NOTCH3: variants seen among roughly 807,000 people sequenced by gnomAD.
The protein encoded by NOTCH3 is notch receptor 3, also known as neurogenic locus notch homolog protein 3.
NOTCH3 carries 86 observed loss-of-function variants against 213.3 expected under a neutral mutation model. The observed-to-expected ratio is 0.40, with a 90% CI of 0.34 to 0.48. NOTCH3 has a LOEUF of 0.48. Ranked by LOEUF, NOTCH3 falls within the 20% of genes least tolerant of loss-of-function variation. The pLI is 0.57. For synonymous variants in NOTCH3, 1,354 were observed against 1,355.9 expected, an observed-to-expected ratio of 1.00 and a Z score of 0.03; for missense variants, 2,783 against 3,272.6, an observed-to-expected ratio of 0.85 and a Z score of 3.65.
In NOTCH3 at chr19:15,177,519, G is replaced by A. The variant is rs2145414213; in HGVS notation, c.4403+6C>T. 6.2e-7 allele frequency: 1 copy of A among 1,606,374 alleles called. No individual in the cohort carries two copies. Among genetic ancestry groups the A allele is most frequent in the East Asian group, 2.2e-5 (1 of 44,486 alleles). ...ACAGACGGATCGATCGGGTGGATGG[G>A]CTCACTTGCAAGTGCGCTCGCGGCC... On this transcript the variant is annotated splice_donor_region_variant and intron_variant, in intron 24 of 32. Coordinates refer to ENST00000263388, the MANE Select transcript of NOTCH3 (RefSeq NM_000435.3).
Position 15,174,668 on chromosome 19 carries a change from G to A in NOTCH3, c.4404-268C>T, listed in dbSNP as rs765799099. ...AGCTCACTGCAGCCTCCACCTCCCC[G>A]GTTCCAGCGATTCTCCCGCCTCAGC... On this transcript the variant is annotated intron_variant, in intron 24 of 32. Coordinates refer to ENST00000263388, the MANE Select transcript of NOTCH3 (RefSeq NM_000435.3). Among the ~76,000 whole-genome samples, 9 of 151,424 alleles carry A rather than the reference G, an allele frequency of 5.9e-5. No homozygotes were observed. In the South Asian group the frequency reaches 1.0e-3, roughly 17 times the overall value.
intron 1 of NOTCH3, 82 bp downstream of exon 1, chr19:15,200,706 A>T: frequency 9.3e-7 from 1 of 1,080,488 alleles, no homozygotes; most frequent in East Asian, 4.2e-5. Flanking sequence ...CCTCCCATGA[A>T]CCCCCGCCAG....
In NOTCH3 at chr19:15,170,122, C is replaced by G; in HGVS notation, c.5163G>C (p.Trp1721Cys). The G allele has an allele frequency of 6.2e-7, 1 of 1,603,752 alleles. No individual in the cohort carries two copies. Reference protein sequence around the residue: ...ESLMGEVATDWMDTECPEAKR... With the variant: ...ESLMGEVATDCMDTECPEAKR... Reference sequence around the variant, plus strand: ...TGGCCTCTGGGCACTCTGTGTCCATCCAGTCTGTGGCCACCTCCCCCATCA... The same window carrying G: ...TGGCCTCTGGGCACTCTGTGTCCATGCAGTCTGTGGCCACCTCCCCCATCA... Residue 1721 changes from tryptophan to cysteine, a missense_variant, in exon 28 of 33, where the codon TGG (tryptophan) becomes TGC (cysteine). Coordinates refer to ENST00000263388, the MANE Select transcript of NOTCH3 (RefSeq NM_000435.3).
chr19:15,197,441 G>GCGGCGCCCC, intron 2 of NOTCH3, 59 bp downstream of exon 2: 2 of 768,362 alleles, frequency 2.6e-6, no homozygotes. Context: ...AAGACAAATC[G>GCGGCGCCCC]CCCCTCCCCC....
chr19:15,166,268 G>A (rs2046685383), intron 29 of NOTCH3, among the ~76,000 whole-genome samples, 177 bp from the exon 30 acceptor site: 1 of 152,194 alleles, frequency 6.6e-6, no homozygotes, highest in South Asian at 2.1e-4. Context: ...ATTTGTCACA[G>A]AACTACTCCT....
chr19:15,168,458 G>A (rs913661383), intron 28 of NOTCH3, among the ~76,000 whole-genome samples: 1 of 152,162 alleles, frequency 6.6e-6, no homozygotes, highest in Non-Finnish European at 1.5e-5. Context: ...GAAATAAGAT[G>A]TTTTATGTGC....
At position 15,165,255 on chromosome 19, in the gene NOTCH3, G is replaced by A; in HGVS notation, c.5815+113C>T. On this transcript the variant is annotated intron_variant, in intron 31 of 32. Coordinates refer to ENST00000263388, the MANE Select transcript of NOTCH3 (RefSeq NM_000435.3). This position sits in a 1 kb window ranked among gnomAD's most constrained non-coding sequence, Gnocchi z 4.7. Reference sequence around the variant, plus strand: ...CAGGCTTCATGAAGCCTGGTTATGTGTGCGTGAGCTTCAGTGATTGGGTCT... The same window carrying A: ...CAGGCTTCATGAAGCCTGGTTATGTATGCGTGAGCTTCAGTGATTGGGTCT... 4.5e-6 allele frequency: 5 copies of A among 1,118,336 alleles called. No individual in the cohort carries two copies. Among genetic ancestry groups the A allele is most frequent in the South Asian group, 1.2e-5 (1 of 80,158 alleles). 69.3% of individuals were successfully genotyped at this position (1,118,336 alleles called of 1,614,324 possible).
At chr19:15,184,838 C>A in intron 15 of NOTCH3, 68 bp downstream of exon 15, 1 of 923,598 alleles carries the variant, frequency 1.1e-6, no homozygotes, top group South Asian at 1.5e-5. Context: ...GGATCCCCAG[C>A]ATCATCCCTG....
Position 15,170,910 on chromosome 19 carries a change from C to G in NOTCH3, c.4737-85G>C, listed in dbSNP as rs1046120821. The G allele has an allele frequency of 1.1e-5, 16 of 1,490,290 alleles. No individual in the cohort carries two copies. The African/African-American group carries it at 2.2e-4, about 21-fold the overall frequency. 92.3% of individuals were successfully genotyped at this position (1,490,290 alleles called of 1,614,324 possible). On this transcript the variant is annotated intron_variant, in intron 25 of 32. Coordinates refer to ENST00000263388, the MANE Select transcript of NOTCH3 (RefSeq NM_000435.3). ...ACCAAGCCCCACTTTCCCTCCCCAG[C>G]GCCTGGCTCTGAAGCGCCATCTCCA...
At position 15,161,434 on chromosome 19, in the gene NOTCH3, C is replaced by A; in HGVS notation, c.6194G>T (p.Arg2065Met). Residue 2065 changes from arginine (R) to methionine (M), a missense_variant, in exon 33 of 33, where the codon AGG (arginine) becomes ATG (methionine). Around this residue, in one of 6 missense-constraint regions of NOTCH3, gnomAD observed 441 missense variants for 432.1 expected, o/e 1.02. Transcript: ENST00000263388. ...CCCCAGCCCCGCCTTCCCGGGGGGC[C>A]TCCTGCTCTTCTTGGACCCCGACTG... is the stretch of plus-strand genomic sequence containing the variant. ...AAQSGSKKSR[R>M]PPGKAGLGPQ... 1.3e-6 allele frequency: 2 copies of A among 1,542,910 alleles called. No homozygotes were observed. The highest frequency in any genetic ancestry group is 1.8e-6 in the Non-Finnish European group (2 of 1,141,936).
At chr19:15,177,232 G>A (rs1446318156) in intron 24 of NOTCH3, among the ~76,000 whole-genome samples, 2 of 150,500 alleles carry the variant, frequency 1.3e-5, no homozygotes, top group African/African-American at 2.5e-5. Flanking sequence ...CTGGGCCACA[G>A]AGCAAGACTC....
Position 15,187,096 on chromosome 19 carries a change from C to G in NOTCH3, c.1840+9G>C, listed in dbSNP as rs752066482. 6.2e-6 allele frequency: 10 copies of G among 1,612,298 alleles called. No homozygotes were observed. In the African/African-American group the frequency reaches 1.1e-4, roughly 17 times the overall value. ...GGTGTGCTGTTTCTGCCCCAGCCCC[C>G]GGTCCCACCTGTGGTCCCAGAAGGG... On this transcript the variant is annotated intron_variant, in intron 11 of 32. Coordinates refer to ENST00000263388, the MANE Select transcript of NOTCH3 (RefSeq NM_000435.3).
At chr19:15,196,273 C>T (rs2046970050) in intron 2 of NOTCH3, among the ~76,000 whole-genome samples, 1 of 152,122 alleles carries the variant, frequency 6.6e-6, no homozygotes, top group South Asian at 2.1e-4. Context: ...CGGAGCTCCA[C>T]TGCGCAGGCG....
chr19:15,183,953 G>A (rs1047112681), intron 16 of NOTCH3, among the ~76,000 whole-genome samples: 6 of 148,520 alleles, frequency 4.0e-5, no homozygotes, highest in African/African-American at 1.0e-4. Flanking sequence ...TGGGGAGGCT[G>A]AGGTGCTTGA....
chr19:15,181,170 G>C lies in NOTCH3; in HGVS notation c.2793-8C>G, dbSNP rs960266832. Reference sequence around the variant, plus strand: ...CCGCCATTGAAGCAGGAGCTGGAGCGGAAGGAGTGGGAGGGAGGATCAGGC... The same window carrying C: ...CCGCCATTGAAGCAGGAGCTGGAGCCGAAGGAGTGGGAGGGAGGATCAGGC... On this transcript the variant is annotated splice_region_variant and splice_polypyrimidine_tract_variant and intron_variant, in intron 17 of 32. Transcript: ENST00000263388. 11 of 1,608,888 alleles carry C rather than the reference G, an allele frequency of 6.8e-6. No homozygotes were observed. Among genetic ancestry groups the C allele is most frequent in the Non-Finnish European group, 8.5e-6 (10 of 1,178,294 alleles).
chr19:15,179,598 A>G, intron 20 of NOTCH3, 102 bp from the exon 21 acceptor site: 1 of 1,327,530 alleles, frequency 7.5e-7, no homozygotes. Flanking sequence ...AAGGACACAC[A>G]CAGATGTTCA....
chr19:15,180,297 T>C (rs1230267583), intron 19 of NOTCH3, 41 bp from the exon 20 acceptor site: 2 of 1,601,712 alleles, frequency 1.2e-6, no homozygotes, highest in Admixed American at 1.7e-5. Flanking sequence ...GGTAACCCCA[T>C]ACATCCCCCT....
intron 31 of NOTCH3, among the ~76,000 whole-genome samples, chr19:15,163,575 A>T (rs1028080416): frequency 1.3e-5 from 2 of 152,242 alleles, no homozygotes; most frequent in African/African-American, 4.8e-5. Context: ...TCACGCCTAT[A>T]ATCTCAACAA....
intron 29 of NOTCH3, among the ~76,000 whole-genome samples, chr19:15,166,655 A>T (rs1231548996): frequency 2.0e-5 from 3 of 152,256 alleles, no homozygotes; most frequent in Admixed American, 2.0e-4. Context: ...GCCCTGAAAC[A>T]TAACAAAGAT....
Sources: allele counts gnomAD v4.1 joint callset (sites outside exome capture counted in the v4.1 genomes callset), GRCh38; gene constraint gnomAD v4.1.1; regional missense constraint gnomAD v4.1.1; non-coding constraint Gnocchi (gnomAD v3.1); transcripts MANE v1.5; gene names NCBI Gene and HGNC (gene_info 2026-07-23, HGNC 2026-07-21).